Variants in KIF20B observed in about 807,000 individuals in gnomAD.
KIF20B encodes kinesin-like protein KIF20B.
KIF20B carries 188 observed loss-of-function variants against 232.5 expected under a neutral mutation model. That is an observed-to-expected ratio of 0.81 (90% CI 0.72 to 0.91). The LOEUF (loss-of-function observed/expected upper bound fraction) is 0.91, where lower values mean the gene tolerates loss of function less well. Ranked by LOEUF, KIF20B falls within the 40% of genes least tolerant of loss-of-function variation. The pLI is 0.00. For missense variants in KIF20B, 2,154 were observed against 2,055.9 expected (o/e 1.05, Z -0.92); for synonymous variants, 712 against 683.0 (o/e 1.04, Z -0.66).
At position 89,715,029 on chromosome 10, in the gene KIF20B, A is replaced by G; in HGVS notation, c.787A>G (p.Met263Val). The G allele has an allele frequency of 3.1e-6, 5 of 1,604,920 alleles. No individual in the cohort carries two copies. Among genetic ancestry groups the G allele is most frequent in the East Asian group, 2.2e-5 (1 of 44,670 alleles). ...IKDYEQANLN[M>V]ANSIKFSVWV... ...AGATTATGAACAAGCCAACTTGAAT[A>G]TGGCTAATAGTATAAAATTTTCTGT... The change falls in exon 8 of 33, where the codon ATG becomes GTG. Residue 263 changes from methionine to valine, a missense_variant. Transcript: ENST00000371728.
chr10:89,735,280 A>G (rs1196875927), intron 19 of KIF20B, among the ~76,000 whole-genome samples: 2 of 152,266 alleles, frequency 1.3e-5, no homozygotes, highest in East Asian at 3.9e-4. Context: ...AAAGAAGAAC[A>G]TATGTGGTAT....
chr10:89,772,935 C>A, intron 32 of KIF20B, 104 bp downstream of exon 32: 1 of 932,194 alleles, frequency 1.1e-6, no homozygotes, highest in Non-Finnish European at 1.6e-6. Context: ...AAAACACATG[C>A]TATAAAGGTC....
chr10:89,714,340 G>C (rs769572290), intron 7 of KIF20B, among the ~76,000 whole-genome samples: 3 of 152,046 alleles, frequency 2.0e-5, no homozygotes, highest in Non-Finnish European at 4.4e-5. Context: ...TTACCTGGGC[G>C]TGGTGGCGCG....
At position 89,715,992 on chromosome 10, in the gene KIF20B, A is replaced by AAATAAATAAAT. The variant is rs1842927038; in HGVS notation, c.941-442_941-441insTAAATAAATAA. ...GGCAACAGAGTGAAACCTTGTCTCCAAAATAAATAAATAAATAAATAAATA... is the reference window on the plus strand; with the variant it reads ...GGCAACAGAGTGAAACCTTGTCTCCAAATAAATAAATAAATAAATAAATAAATAAATAAATA... On this transcript the variant is annotated intron_variant, in intron 8 of 32. Transcript: ENST00000371728. Among the ~76,000 whole-genome samples the AAATAAATAAAT allele has an allele frequency of 3.8e-4, 56 of 149,056 alleles. 2 individuals carry two copies. The South Asian group carries it at 0.012, about 31-fold the overall frequency.
At chr10:89,727,492 C>T (rs930192854) in intron 16 of KIF20B, among the ~76,000 whole-genome samples, 5 of 152,160 alleles carry the variant, frequency 3.3e-5, no homozygotes, top group Non-Finnish European at 7.3e-5. Context: ...CTGCTCTGCC[C>T]TTTTTTGTGT....
intron 29 of KIF20B, among the ~76,000 whole-genome samples, chr10:89,767,895 C>T (rs1842395404): frequency 6.6e-6 from 1 of 151,988 alleles, no homozygotes; most frequent in Middle Eastern, 3.4e-3. Flanking sequence ...AAAAGATATT[C>T]CTTCCATGTT....
chr10:89,727,944 AAG>A, intron 17 of KIF20B, 48 bp downstream of exon 17: 1 of 1,454,132 alleles, frequency 6.9e-7, no homozygotes. Flanking sequence ...TTAATTAACA[AAG>A]GGGTATGAAT....
intron 1 of KIF20B, among the ~76,000 whole-genome samples, chr10:89,702,197 C>T (rs1196774035): frequency 2.0e-5 from 3 of 152,122 alleles, no homozygotes; most frequent in Non-Finnish European, 4.4e-5. Flanking sequence ...GGTAACACGG[C>T]CTTTTTGCGG....
intron 31 of KIF20B, among the ~76,000 whole-genome samples, chr10:89,769,701 G>A (rs1220202579): frequency 2.0e-5 from 3 of 151,758 alleles, no homozygotes; most frequent in Admixed American, 6.6e-5. Flanking sequence ...GCACATATGC[G>A]GAAGGAATGG....
intron 19 of KIF20B, 34 bp from the exon 20 acceptor site, chr10:89,737,353 T>C: frequency 6.9e-7 from 1 of 1,439,674 alleles, no homozygotes; most frequent in Non-Finnish European, 9.1e-7. Flanking sequence ...TATTAAGGTT[T>C]GCCAGATTAA....
In KIF20B at chr10:89,761,832, A is replaced by G. The variant is rs371906534; in HGVS notation, c.4792-806A>G. Among the ~76,000 whole-genome samples the G allele has an allele frequency of 2.6e-5, 4 of 152,330 alleles. No individual in the cohort carries two copies. In the East Asian group the frequency reaches 7.7e-4, roughly 29 times the overall value. On this transcript the variant is annotated intron_variant, in intron 28 of 32. Transcript: ENST00000371728. The stretch of plus-strand genomic sequence containing the variant: ...GGAACATTTCTTTCTCCATAAATTT[A>G]TGTATGTTGTCCTAAAACCTCCTGG...
intron 31 of KIF20B, among the ~76,000 whole-genome samples, chr10:89,769,963 G>C (rs1165471080): frequency 6.6e-6 from 1 of 151,994 alleles, no homozygotes; most frequent in Non-Finnish European, 1.5e-5. Flanking sequence ...AATACTTTTT[G>C]TCGAAGGCTT....
intron 13 of KIF20B, among the ~76,000 whole-genome samples, chr10:89,723,142 G>A (rs1843103492): frequency 6.6e-6 from 1 of 152,076 alleles, no homozygotes. Flanking sequence ...AATTCTTGGA[G>A]GCAGAGTTTC....
intron 6 of KIF20B, among the ~76,000 whole-genome samples, chr10:89,713,302 A>C: frequency 6.6e-6 from 1 of 151,036 alleles, no homozygotes; most frequent in East Asian, 2.0e-4. Context: ...TGGAGGTTAC[A>C]GTGAGCCGAG....
At position 89,738,576 on chromosome 10, in the gene KIF20B, A is replaced by G. The variant is rs994610770; in HGVS notation, c.3735A>G (p.Leu1245=). 1 of 1,565,050 alleles carries G rather than the reference A, an allele frequency of 6.4e-7. No individual in the cohort carries two copies. The highest frequency in any genetic ancestry group is 8.6e-7 in the Non-Finnish European group (1 of 1,160,604). ...AAGATATGAAACATTTACTTCAATT[A>G]AAAGAAGAAGAAGAAGAAACCAACA... ...NLQDMKHLLQ[L]KEEEEETNRQ... The change falls in exon 20 of 33, where the codon TTA becomes TTG. Residue 1245 remains leucine (L), a synonymous_variant. Transcript: ENST00000371728.
Position 89,711,120 on chromosome 10 carries a change from G to A in KIF20B, c.650G>A (p.Ser217Asn), listed in dbSNP as rs749248822. ...GAGAAAGAAGAAATTGCTAGCAAAAGTGCATTGCTTCGGCAAATTAAAGAG... is the reference window on the plus strand; with the variant it reads ...GAGAAAGAAGAAATTGCTAGCAAAAATGCATTGCTTCGGCAAATTAAAGAG... The part of the protein sequence containing the change: ...EQEKEEIASK[S>N]ALLRQIKEVT... Residue 217 changes from serine (S) to asparagine (N), a missense_variant, in exon 6 of 33, where the codon AGT (serine) becomes AAT (asparagine). By Grantham distance (46) the Ser-to-Asn change is conservative. Transcript: ENST00000371728. 2 of 1,553,380 alleles carry A rather than the reference G, an allele frequency of 1.3e-6. No homozygotes were observed. Among genetic ancestry groups the A allele is most frequent in the East Asian group, 2.3e-5 (1 of 43,612 alleles).
At chr10:89,757,836 T>G (rs1240149356) in intron 26 of KIF20B, among the ~76,000 whole-genome samples, 1 of 151,740 alleles carries the variant, frequency 6.6e-6, no homozygotes, top group African/African-American at 2.4e-5. Context: ...GGGGTTCTTT[T>G]TTTTTTTCAT....
chr10:89,752,520 T>A, intron 24 of KIF20B, 47 bp from the exon 25 acceptor site: 2 of 1,446,332 alleles, frequency 1.4e-6, no homozygotes, highest in South Asian at 2.7e-5. Flanking sequence ...CTACATGGTA[T>A]AACTTTTGCA....
At chr10:89,707,749 T>C (rs1179038401) in intron 2 of KIF20B, among the ~76,000 whole-genome samples, 1 of 152,142 alleles carries the variant, frequency 6.6e-6, no homozygotes, top group Non-Finnish European at 1.5e-5. Flanking sequence ...ATTTTGCTGC[T>C]CATCTTAGAT....
Sources: allele counts gnomAD v4.1 joint callset (sites outside exome capture counted in the v4.1 genomes callset), GRCh38; gene constraint gnomAD v4.1.1; transcripts MANE v1.5; gene names NCBI Gene and HGNC (gene_info 2026-07-23, HGNC 2026-07-21).